The following DENND1B variants were observed in gnomAD, a reference collection of about 807,000 sequenced individuals.
DENND1B encodes the protein DENN domain-containing protein 1B.
A neutral mutation model predicts 90.1 loss-of-function variants in DENND1B; 59 were observed. The observed-to-expected ratio is 0.65, with a 90% CI of 0.53 to 0.81. The LOEUF is 0.81. Among genes scored for constraint, DENND1B ranks in the 40% least tolerant of loss-of-function variants. The pLI is 0.00. For synonymous variants in DENND1B, 337 were observed against 324.6 expected, an observed-to-expected ratio of 1.04 and a Z score of -0.41; for missense variants, 862 against 912.6, an observed-to-expected ratio of 0.94 and a Z score of 0.71.
At chr1:197,640,944 AAAAC>A (rs994264458) in intron 10 of DENND1B, among the ~76,000 whole-genome samples, 3 of 152,198 alleles carry the variant, frequency 2.0e-5, no homozygotes, top group African/African-American at 7.2e-5. Flanking sequence ...CTGTCTCAAA[AAAAC>A]AAACAAACAA....
At chr1:197,536,840 G>A (rs1300190397) in intron 20 of DENND1B, among the ~76,000 whole-genome samples, 4 of 152,128 alleles carry the variant, frequency 2.6e-5, no homozygotes, top group African/African-American at 7.2e-5. Context: ...AGCAGATCGA[G>A]ACCATCCTGG....
intron 13 of DENND1B, among the ~76,000 whole-genome samples, chr1:197,604,926 G>A (rs1676535474): frequency 1.3e-5 from 2 of 150,832 alleles, no homozygotes; most frequent in Non-Finnish European, 3.0e-5. Context: ...TATTAGAAAT[G>A]GGTTCTAAAA....
chr1:197,693,357 T>C (rs1294082101), intron 3 of DENND1B, among the ~76,000 whole-genome samples: 1 of 151,712 alleles, frequency 6.6e-6, no homozygotes, highest in Non-Finnish European at 1.5e-5. Flanking sequence ...ACATTCACCA[T>C]CACAGTTAGT....
At chr1:197,628,785 AG>A (rs1679040198) in intron 10 of DENND1B, among the ~76,000 whole-genome samples, 1 of 152,072 alleles carries the variant, frequency 6.6e-6, no homozygotes, top group Non-Finnish European at 1.5e-5. Flanking sequence ...CATCTGACAA[AG>A]GGCTAATATC....
chr1:197,555,033 C>T (rs1671599002), intron 15 of DENND1B, among the ~76,000 whole-genome samples: 1 of 151,862 alleles, frequency 6.6e-6, no homozygotes, highest in Non-Finnish European at 1.5e-5. Flanking sequence ...AAGCTGCACA[C>T]CTACAACCAA....
chr1:197,718,586 T>C (rs1261839637), intron 2 of DENND1B, among the ~76,000 whole-genome samples: 1 of 152,012 alleles, frequency 6.6e-6, no homozygotes, highest in African/African-American at 2.4e-5. Context: ...CTTAATGCAT[T>C]TTTATGATAC....
At chr1:197,621,280 T>C (rs1678136087) in intron 10 of DENND1B, among the ~76,000 whole-genome samples, 1 of 147,026 alleles carries the variant, frequency 6.8e-6, no homozygotes, top group Admixed American at 6.8e-5. Context: ...TTTGAGAATA[T>C]ACAAATTAAA....
intron 16 of DENND1B, chr1:197,552,485 A>G (rs1671320096): frequency 3.0e-6 from 3 of 985,532 alleles, no homozygotes; most frequent in Non-Finnish European, 3.6e-6. Flanking sequence ...AGAAGGATTA[A>G]TTGTACTTAT....
chr1:197,552,135 T>A (rs534757135), intron 16 of DENND1B: 1 of 797,174 alleles, frequency 1.3e-6, no homozygotes, highest in South Asian at 5.7e-5. Flanking sequence ...ATGTGTCATT[T>A]CTGAATTCCA....
intron 2 of DENND1B, among the ~76,000 whole-genome samples, chr1:197,742,565 T>C (rs1268767968): frequency 6.6e-6 from 1 of 152,090 alleles, no homozygotes; most frequent in Non-Finnish European, 1.5e-5. Flanking sequence ...AAAGTAAAAC[T>C]GTACAAAATA....
chr1:197,564,377 G>A (rs1014258182), intron 15 of DENND1B, among the ~76,000 whole-genome samples: 1 of 100,194 alleles, frequency 1.0e-5, no homozygotes, highest in South Asian at 3.5e-4. Context: ...TCAATACTGA[G>A]GCAAGAACCT....
At chr1:197,606,723 T>G (rs919351367) in intron 13 of DENND1B, 5 of 169,624 alleles carry the variant, frequency 2.9e-5, no homozygotes, top group African/African-American at 4.8e-5. Context: ...TCAAAAACTC[T>G]CTCATTCTTT....
intron 3 of DENND1B, among the ~76,000 whole-genome samples, chr1:197,692,509 A>T (rs186728172): frequency 1.6e-4 from 25 of 151,946 alleles, no homozygotes; most frequent in Admixed American, 1.5e-3. Context: ...TCTTGTGCTT[A>T]ATTTAATATT....
intron 10 of DENND1B, among the ~76,000 whole-genome samples, chr1:197,630,548 T>C (rs547630054): frequency 4.1e-4 from 63 of 152,252 alleles, no homozygotes; most frequent in Admixed American, 2.0e-3. Context: ...AGTCAGACCA[T>C]AGTTGATGGT....
At chr1:197,585,414 A>G (rs906419944) in intron 14 of DENND1B, among the ~76,000 whole-genome samples, 1 of 152,214 alleles carries the variant, frequency 6.6e-6, no homozygotes, top group Non-Finnish European at 1.5e-5. Flanking sequence ...TAAACATGTA[A>G]AGATGTATTT....
chr1:197,553,109 T>C lies in DENND1B; in HGVS notation c.1153A>G (p.Ile385Val), dbSNP rs199806691. The C allele has an allele frequency of 1.3e-6, 2 of 1,523,162 alleles. No individual in the cohort carries two copies. Among genetic ancestry groups the C allele is most frequent in the South Asian group, 1.3e-5 (1 of 75,706 alleles). 94.4% of individuals were successfully genotyped at this position (1,523,162 alleles called of 1,614,324 possible). A position where few individuals can be genotyped will look rare whatever the true frequency, so the allele number is the denominator to read the frequency against. The change falls in exon 16 of 23, where the codon ATC (isoleucine) becomes GTC (valine). Residue 385 changes from isoleucine to valine, a missense_variant. Coordinates refer to ENST00000620048, the MANE Select transcript of DENND1B (RefSeq NM_001195215.2). ...TTTAGTTTTGCCAGTCGACCATCGA[T>C]AAACTAGAATTAAAAAGTGTCAAAT... ...AINLQLFKQF[I>V]DGRLAKLNAG...
chr1:197,759,531 G>A (rs1467609960), intron 2 of DENND1B, among the ~76,000 whole-genome samples: 6 of 151,312 alleles, frequency 4.0e-5, no homozygotes, highest in Admixed American at 6.6e-5. Context: ...ATGAGGTGGT[G>A]CAAAGAACCA....
At chr1:197,768,875 AT>A (rs1282491519) in intron 2 of DENND1B, among the ~76,000 whole-genome samples, 1 of 152,102 alleles carries the variant, frequency 6.6e-6, no homozygotes, top group Non-Finnish European at 1.5e-5. Flanking sequence ...AAAAAAAAAA[AT>A]CAATATAATG....
chr1:197,664,821 G>A (rs1654778934), intron 5 of DENND1B, among the ~76,000 whole-genome samples: 1 of 152,050 alleles, frequency 6.6e-6, no homozygotes, highest in Non-Finnish European at 1.5e-5. Context: ...CAAAGGAAGA[G>A]TGTGAAAGCT....
Sources: gnomAD v4.1 joint callset for allele counts (sites outside exome capture counted in the v4.1 genomes callset) on GRCh38, gnomAD v4.1.1 for gene constraint, MANE v1.5 for transcripts, NCBI Gene and HGNC (gene_info 2026-07-23, HGNC 2026-07-21) for gene names.